Variants in SDK1 observed in about 807,000 individuals in gnomAD.
SDK1 encodes the protein protein sidekick-1.
In SDK1, 157 loss-of-function variants were observed where a neutral mutation model predicts 245.5. That is an observed-to-expected ratio of 0.64 (90% CI 0.56 to 0.73). The LOEUF is 0.73. Ranked by LOEUF, SDK1 falls within the 30% of genes least tolerant of loss-of-function variation. SDK1 has a pLI of 0.00. For synonymous variants in SDK1, 1,647 were observed against 1,278.5 expected, an observed-to-expected ratio of 1.29 and a Z score of -6.15; for missense variants, 3,583 against 3,002.3, an observed-to-expected ratio of 1.19 and a Z score of -4.52.
At chr7:3,850,774 C>T (rs531738602) in intron 5 of SDK1, among the ~76,000 whole-genome samples, 116 of 150,876 alleles carry the variant, frequency 7.7e-4, no homozygotes, top group African/African-American at 2.5e-3. Flanking sequence ...AACCAAACAC[C>T]GCATGTTCTC....
Position 3,668,695 on chromosome 7 carries a change from G to A in SDK1, c.713+26590G>A, listed in dbSNP as rs541822535. Among the ~76,000 whole-genome samples, 7 of 152,336 alleles carry A rather than the reference G, an allele frequency of 4.6e-5. No homozygotes were observed. In the East Asian group the frequency reaches 1.4e-3, roughly 29 times the overall value. ...AATCCCACCTACTCGGGAGGCTGAG[G>A]CAGGAGAATCACTTGAACCTGGGAG... On this transcript the variant is annotated intron_variant, in intron 4 of 44. Transcript: ENST00000404826.
At chr7:4,189,738 C>T (rs985547726) in intron 35 of SDK1, among the ~76,000 whole-genome samples, 2 of 152,084 alleles carry the variant, frequency 1.3e-5, no homozygotes, top group East Asian at 3.9e-4. Context: ...TGTAGTGAGC[C>T]GAGATTGTGC....
intron 4 of SDK1, among the ~76,000 whole-genome samples, chr7:3,688,076 A>G (rs934081250): frequency 6.6e-6 from 1 of 152,248 alleles, no homozygotes; most frequent in African/African-American, 2.4e-5. Flanking sequence ...TAGGGAAGCC[A>G]GTGTACTAAG....
chr7:3,473,698 C>G (rs980422501), intron 1 of SDK1, among the ~76,000 whole-genome samples: 1 of 150,916 alleles, frequency 6.6e-6, no homozygotes, highest in African/African-American at 2.4e-5. Context: ...TCCATTTTAT[C>G]TTTCTAGTTA....
At chr7:3,442,032 A>T (rs909664800) in intron 1 of SDK1, among the ~76,000 whole-genome samples, 9 of 152,152 alleles carry the variant, frequency 5.9e-5, no homozygotes, top group Non-Finnish European at 2.9e-5. Flanking sequence ...ATGCCAGTTG[A>T]CCGTTACGTG....
At chr7:4,117,801 G>T (rs1783806549) in intron 25 of SDK1, among the ~76,000 whole-genome samples, 1 of 152,200 alleles carries the variant, frequency 6.6e-6, no homozygotes, top group African/African-American at 2.4e-5. Flanking sequence ...TTGAATCTGT[G>T]TAAGGGAAGA....
intron 4 of SDK1, among the ~76,000 whole-genome samples, chr7:3,752,130 T>C (rs1456456507): frequency 1.3e-5 from 2 of 152,186 alleles, no homozygotes; most frequent in African/African-American, 4.8e-5. Flanking sequence ...ATATTGCACT[T>C]TTCGTTTTCA....
At chr7:3,585,492 C>T (rs1022354824) in intron 1 of SDK1, among the ~76,000 whole-genome samples, 3 of 152,116 alleles carry the variant, frequency 2.0e-5, no homozygotes, top group Non-Finnish European at 2.9e-5. Context: ...GAGAAGGAGG[C>T]GCTCTTGATA....
At chr7:3,710,318 C>G (rs1289327340) in intron 4 of SDK1, among the ~76,000 whole-genome samples, 1 of 152,192 alleles carries the variant, frequency 6.6e-6, no homozygotes, top group Non-Finnish European at 1.5e-5. Flanking sequence ...GCGTGAGATC[C>G]TCACATACTG....
intron 28 of SDK1, among the ~76,000 whole-genome samples, chr7:4,144,314 G>C (rs1226163958): frequency 6.6e-6 from 1 of 152,192 alleles, no homozygotes; most frequent in Admixed American, 6.5e-5. Context: ...GGGGAAGACA[G>C]CCCGTCCACT....
At chr7:3,487,189 C>T (rs1369450905) in intron 1 of SDK1, among the ~76,000 whole-genome samples, 1 of 152,174 alleles carries the variant, frequency 6.6e-6, no homozygotes, top group Non-Finnish European at 1.5e-5. Flanking sequence ...TCCTGGTCAG[C>T]ATAAGCCTTA....
At chr7:3,867,728 C>T (rs148849700) in intron 5 of SDK1, among the ~76,000 whole-genome samples, 2 of 152,290 alleles carry the variant, frequency 1.3e-5, no homozygotes, top group African/African-American at 2.4e-5. Flanking sequence ...GGGACAAAGC[C>T]AAAGCACATC....
chr7:3,324,918 T>C lies in SDK1; in HGVS notation c.298+23034T>C, dbSNP rs564964065. On this transcript the variant is annotated intron_variant, in intron 1 of 44. Transcript: ENST00000404826. The stretch of plus-strand genomic sequence containing the variant: ...ATTTTTCCTAACAGAAGGTAAACTT[T>C]CCATGCTGAACTTGTCTCTATTTTT... Among the ~76,000 whole-genome samples the C allele has an allele frequency of 4.6e-5, 7 of 152,292 alleles. No individual in the cohort carries two copies. In the South Asian group the frequency reaches 6.2e-4, roughly 14 times the overall value.
intron 1 of SDK1, among the ~76,000 whole-genome samples, chr7:3,414,458 T>C (rs1002330221): frequency 1.3e-5 from 2 of 152,134 alleles, no homozygotes; most frequent in African/African-American, 4.8e-5. Flanking sequence ...ATCTGGAGAA[T>C]GTTTGTTTCT....
chr7:3,759,614 T>C (rs1190904116), intron 4 of SDK1, among the ~76,000 whole-genome samples: 1 of 150,668 alleles, frequency 6.6e-6, no homozygotes, highest in African/African-American at 2.5e-5. Flanking sequence ...TTATTATTAT[T>C]TGGAGGCGGA....
chr7:3,652,878 G>A (rs971425887), intron 4 of SDK1, among the ~76,000 whole-genome samples: 10 of 152,302 alleles, frequency 6.6e-5, no homozygotes, highest in Non-Finnish European at 1.2e-4. Flanking sequence ...GATTGTCTCC[G>A]AGCTTTATAA....
intron 1 of SDK1, among the ~76,000 whole-genome samples, chr7:3,562,511 C>G (rs537164500): frequency 6.6e-5 from 10 of 152,244 alleles, no homozygotes; most frequent in African/African-American, 1.7e-4. Flanking sequence ...CTAGGAACCC[C>G]TTGGGAGACT....
At chr7:4,218,722 G>A (rs60879813) in intron 38 of SDK1, among the ~76,000 whole-genome samples, 13,171 of 152,108 alleles carry the variant, frequency 0.087, 556 homozygotes, top group Middle Eastern at 0.13. Context: ...GACGGTGGGT[G>A]CCACTCACCA....
At chr7:4,081,272 T>G (rs1413279579) in intron 22 of SDK1, among the ~76,000 whole-genome samples, 1 of 152,180 alleles carries the variant, frequency 6.6e-6, no homozygotes, top group East Asian at 1.9e-4. Context: ...TGCCCAGAAC[T>G]TGGGCAACGT....
Sources: gnomAD v4.1 joint callset for allele counts (sites outside exome capture counted in the v4.1 genomes callset) on GRCh38, gnomAD v4.1.1 for gene constraint, MANE v1.5 for transcripts, NCBI Gene and HGNC (gene_info 2026-07-23, HGNC 2026-07-21) for gene names.